Variants in ANKRD30B observed in about 807,000 individuals in gnomAD.
The protein encoded by ANKRD30B is ankyrin repeat domain 30B, also known as ankyrin repeat domain-containing protein 30B.
Under a neutral mutation model 202.2 loss-of-function variants are expected in ANKRD30B, and 144 were observed. That is an observed-to-expected ratio of 0.71 (90% CI 0.62 to 0.82). The LOEUF is 0.82. Ranked by LOEUF, ANKRD30B falls within the 40% of genes least tolerant of loss-of-function variation. The pLI, the probability that ANKRD30B is intolerant of heterozygous loss-of-function variation, is 0.00. For synonymous variants in ANKRD30B, 508 were observed against 561.3 expected (o/e 0.91, Z 1.34); for missense variants, 1,487 against 1,669.1 (o/e 0.89, Z 1.90).
At chr18:14,774,765 A>C (rs1967243891) in intron 9 of ANKRD30B, among the ~76,000 whole-genome samples, 3 of 152,074 alleles carry the variant, frequency 2.0e-5, no homozygotes. Context: ...TTAAATTTTA[A>C]TTATTTCTAC....
chr18:14,763,761 T>C lies in ANKRD30B; in HGVS notation c.896T>C (p.Leu299Pro). 6.2e-7 allele frequency: 1 copy of C among 1,613,984 alleles called. No homozygotes were observed. Among genetic ancestry groups the C allele is most frequent in the Middle Eastern group, 1.7e-4 (1 of 6,060 alleles). Residue 299 changes from leucine to proline, a missense_variant, in exon 7 of 44, where the codon CTG becomes CCG. Around this residue, in one of 6 missense-constraint regions of ANKRD30B, gnomAD observed 889 missense variants for 841.4 expected, o/e 1.06. Coordinates refer to ENST00000690538, the MANE Select transcript of ANKRD30B (RefSeq NM_001367607.2). ...ERTPDTAESL[L>P]EKTPDEAARL... Reference sequence around the variant, plus strand: ...ACACCTGACACGGCTGAAAGCTTGCTGGAAAAAACACCTGACGAGGCTGCA... The same window carrying C: ...ACACCTGACACGGCTGAAAGCTTGCCGGAAAAAACACCTGACGAGGCTGCA...
the ANKRD30B span, among the ~76,000 whole-genome samples, chr18:14,884,269 G>A: frequency 1.3e-5 from 2 of 148,726 alleles, no homozygotes; most frequent in African/African-American, 4.9e-5. Context: ...GAAGTGATAG[G>A]TCCTGATAAC....
chr18:14,763,769 A>T lies in ANKRD30B; in HGVS notation c.904A>T (p.Thr302Ser). The T allele has an allele frequency of 6.2e-7, 1 of 1,614,018 alleles. No homozygotes were observed. The highest frequency in any genetic ancestry group is 8.5e-7 in the Non-Finnish European group (1 of 1,179,988). Residue 302 changes from threonine to serine, a missense_variant, in exon 7 of 44, where the codon ACA becomes TCA. Thr to Ser is a moderately conservative substitution (Grantham distance 58). Transcript: ENST00000690538. ...PDTAESLLEK[T>S]PDEAARLVEG... is the part of the protein sequence containing the mutation. Reference sequence around the variant, plus strand: ...CACGGCTGAAAGCTTGCTGGAAAAAACACCTGACGAGGCTGCACGCTTGGT... The same window carrying T: ...CACGGCTGAAAGCTTGCTGGAAAAATCACCTGACGAGGCTGCACGCTTGGT...
the ANKRD30B span, among the ~76,000 whole-genome samples, chr18:14,874,862 T>C: frequency 2.0e-5 from 3 of 152,194 alleles, no homozygotes; most frequent in African/African-American, 7.2e-5. Context: ...TTCAAACTTT[T>C]TGTTGTTTGT....
the ANKRD30B span, among the ~76,000 whole-genome samples, chr18:14,873,765 A>G: frequency 1.3e-5 from 2 of 152,170 alleles, no homozygotes; most frequent in Non-Finnish European, 2.9e-5. Context: ...GCATTAGGCG[A>G]GGCTGAGAGT....
chr18:14,916,966 G>A, the ANKRD30B span, among the ~76,000 whole-genome samples: 1 of 152,184 alleles, frequency 6.6e-6, no homozygotes, highest in African/African-American at 2.4e-5. Context: ...TCGGTCATCA[G>A]TCTCTAAATC....
the ANKRD30B span, among the ~76,000 whole-genome samples, chr18:14,863,217 C>A: frequency 2.0e-5 from 3 of 151,346 alleles, no homozygotes; most frequent in South Asian, 6.3e-4. Context: ...TGTGTTTACC[C>A]TCCAAATCTC....
At chr18:14,858,171 G>A (rs1310956828), downstream of ANKRD30B, among the ~76,000 whole-genome samples, 3 of 86,658 alleles carry the variant, frequency 3.5e-5, no homozygotes, top group Non-Finnish European at 6.8e-5. Context: ...CCAGGCAGAG[G>A]CGCTCCTCAC....
intron 37 of ANKRD30B, among the ~76,000 whole-genome samples, chr18:14,841,406 G>A (rs1054892172): frequency 5.3e-5 from 8 of 152,136 alleles, no homozygotes; most frequent in African/African-American, 1.9e-4. Context: ...TAAGTAGCAA[G>A]GGAACAGCCT....
At chr18:14,826,693 TCACACA>T (rs61497414) in intron 32 of ANKRD30B, among the ~76,000 whole-genome samples, 2,109 of 125,026 alleles carry the variant, frequency 0.017, 46 homozygotes, top group African/African-American at 0.057. Flanking sequence ...TCTCTCTCTC[TCACACA>T]CACACACACA....
At chr18:14,861,360 G>T in the ANKRD30B span, among the ~76,000 whole-genome samples, 1 of 152,114 alleles carries the variant, frequency 6.6e-6, no homozygotes, top group Non-Finnish European at 1.5e-5. Flanking sequence ...AGACACTTCT[G>T]CTGCCTTTGA....
At chr18:14,780,319 C>A (rs1426891544) in intron 11 of ANKRD30B, among the ~76,000 whole-genome samples, 2 of 152,100 alleles carry the variant, frequency 1.3e-5, no homozygotes, top group East Asian at 1.9e-4. Context: ...GTGGTGCACA[C>A]CTGTAATCCC....
the ANKRD30B span, among the ~76,000 whole-genome samples, chr18:14,935,049 C>G: frequency 1.3e-5 from 2 of 152,180 alleles, no homozygotes; most frequent in Admixed American, 1.3e-4. Context: ...GCCAACCCAC[C>G]CCACTTAAGT....
In ANKRD30B at chr18:14,795,876, G is replaced by A. The variant is rs1292470580; in HGVS notation, c.1826-345G>A. ...TTATTTTTTTTTTTTTTGGCGGTGGGTCATGACTTGGTCATCTTAGTAAAT... is the reference window on the plus strand; with the variant it reads ...TTATTTTTTTTTTTTTTGGCGGTGGATCATGACTTGGTCATCTTAGTAAAT... On this transcript the variant is annotated intron_variant, in intron 16 of 43. Transcript: ENST00000690538. Among the ~76,000 whole-genome samples the A allele has an allele frequency of 2.0e-5, 3 of 151,192 alleles. No individual in the cohort carries two copies. In the East Asian group the frequency reaches 5.8e-4, roughly 29 times the overall value.
At chr18:14,838,796 A>C (rs562168513) in intron 36 of ANKRD30B, among the ~76,000 whole-genome samples, 1 of 152,378 alleles carries the variant, frequency 6.6e-6, no homozygotes, top group East Asian at 1.9e-4. Context: ...TTGTTTATAA[A>C]AATAGCGCTC....
chr18:14,815,955 C>T (rs1970077415), intron 30 of ANKRD30B, among the ~76,000 whole-genome samples: 2 of 152,118 alleles, frequency 1.3e-5, no homozygotes, highest in Non-Finnish European at 2.9e-5. Context: ...GTATTATTCT[C>T]TAAGTATATA....
downstream of ANKRD30B, among the ~76,000 whole-genome samples, chr18:14,856,164 G>T (rs1340033151): frequency 1.4e-4 from 21 of 146,678 alleles, no homozygotes; most frequent in South Asian, 4.4e-4. Context: ...GGACGGCCAG[G>T]CAGAGGCGCT....
At chr18:14,763,052 AT>A (rs1324787283) in intron 6 of ANKRD30B, among the ~76,000 whole-genome samples, 3 of 151,874 alleles carry the variant, frequency 2.0e-5, no homozygotes, top group Non-Finnish European at 4.4e-5. Flanking sequence ...TATCATTGTC[AT>A]TTTTTATTTG....
At chr18:14,825,091 A>G (rs565291456) in intron 32 of ANKRD30B, 1 of 152,058 alleles carries the variant, frequency 6.6e-6, no homozygotes, top group South Asian at 2.1e-4. Context: ...CCATGATGAA[A>G]CCCTCGCCTG....
Sources: gnomAD v4.1 joint callset for allele counts (sites outside exome capture counted in the v4.1 genomes callset) on GRCh38, gnomAD v4.1.1 for gene constraint, gnomAD v4.1.1 regional missense constraint, MANE v1.5 for transcripts, NCBI Gene and HGNC (gene_info 2026-07-23, HGNC 2026-07-21) for gene names.